Variants in LRMDA observed in about 807,000 individuals in gnomAD.
The protein encoded by LRMDA is leucine rich melanocyte differentiation associated.
In LRMDA, 18 loss-of-function variants were observed where a neutral mutation model predicts 29.8. That is an observed-to-expected ratio of 0.60 (90% CI 0.42 to 0.90). The LOEUF (loss-of-function observed/expected upper bound fraction) is 0.90. Among genes scored for constraint, LRMDA ranks in the 40% least tolerant of loss-of-function variants. The pLI is 0.00. For missense variants in LRMDA, 273 were observed against 273.9 expected (o/e 1.00, Z 0.02); for synonymous variants, 125 against 109.4 (o/e 1.14, Z -0.89).
Position 75,431,648 on chromosome 10 carries a change from G to C in LRMDA, c.-77G>C, listed in dbSNP as rs950236420. 4.2e-6 allele frequency: 5 copies of C among 1,185,034 alleles called. No homozygotes were observed. The highest frequency in any genetic ancestry group is 5.2e-6 in the Non-Finnish European group (5 of 954,484). The allele number at this position is 1,185,034 out of a possible 1,614,324, so 73.4% of individuals were successfully genotyped here. On this transcript the variant is annotated 5_prime_UTR_variant, in exon 1 of 7. Transcript: ENST00000611255. ...CAGTGCGGAACTGTGCGCCCGCCGC[G>C]CTCCCCTGCCGCGCTCCCCGCTGCT...
intron 6 of LRMDA, among the ~76,000 whole-genome samples, chr10:76,362,650 A>G (rs1272059425): frequency 6.6e-6 from 1 of 152,138 alleles, no homozygotes; most frequent in African/African-American, 2.4e-5. Context: ...TATCATCCAA[A>G]TATTGAACAT....
At chr10:75,464,259 G>C (rs1183111967) in intron 2 of LRMDA, among the ~76,000 whole-genome samples, 1 of 152,198 alleles carries the variant, frequency 6.6e-6, no homozygotes, top group African/African-American at 2.4e-5. Flanking sequence ...AGTCTTCTTC[G>C]AAGGGGTTGG....
intron 5 of LRMDA, among the ~76,000 whole-genome samples, chr10:76,104,741 T>G (rs531137621): frequency 2.0e-5 from 3 of 152,226 alleles, no homozygotes; most frequent in Admixed American, 2.0e-4. Flanking sequence ...AATTTTTGAA[T>G]AGATGAGTGG....
chr10:75,571,628 A>G (rs1564803788), intron 2 of LRMDA, among the ~76,000 whole-genome samples: 1 of 152,230 alleles, frequency 6.6e-6, no homozygotes, highest in Non-Finnish European at 1.5e-5. Flanking sequence ...CAGTGAGCAC[A>G]AGGGAAAATC....
At chr10:75,889,622 C>T (rs570467775) in intron 2 of LRMDA, among the ~76,000 whole-genome samples, 29 of 152,188 alleles carry the variant, frequency 1.9e-4, no homozygotes, top group Non-Finnish European at 2.6e-4. Flanking sequence ...TGCCAGCACA[C>T]GCCTAGAACT....
intron 2 of LRMDA, among the ~76,000 whole-genome samples, chr10:76,008,884 C>G (rs1416656406): frequency 6.6e-6 from 1 of 152,200 alleles, no homozygotes; most frequent in Admixed American, 6.5e-5. Context: ...TTCTTAGAAA[C>G]TTTTAAGTGG....
At chr10:75,706,629 G>A (rs1326733248) in intron 2 of LRMDA, among the ~76,000 whole-genome samples, 1 of 152,090 alleles carries the variant, frequency 6.6e-6, no homozygotes, top group East Asian at 1.9e-4. Context: ...AACAGAATGA[G>A]GATTGGCATC....
At chr10:75,556,740 G>T (rs1840218612) in intron 2 of LRMDA, among the ~76,000 whole-genome samples, 1 of 143,906 alleles carries the variant, frequency 6.9e-6, no homozygotes, top group African/African-American at 2.5e-5. Flanking sequence ...AGACCCATGT[G>T]GTTGCATGAT....
intron 2 of LRMDA, among the ~76,000 whole-genome samples, chr10:75,714,480 T>C (rs1018520034): frequency 6.6e-6 from 1 of 152,204 alleles, no homozygotes; most frequent in South Asian, 2.1e-4. Context: ...TTGAAAATTT[T>C]GACAAGTGGT....
At chr10:76,149,569 A>G (rs1197951283) in intron 5 of LRMDA, among the ~76,000 whole-genome samples, 1 of 152,156 alleles carries the variant, frequency 6.6e-6, no homozygotes, top group Admixed American at 6.5e-5. Context: ...GATATTTCCA[A>G]TACCTAAGTA....
intron 2 of LRMDA, among the ~76,000 whole-genome samples, chr10:75,614,620 G>A (rs909550532): frequency 6.6e-6 from 1 of 152,142 alleles, no homozygotes; most frequent in Non-Finnish European, 1.5e-5. Flanking sequence ...TCCTAGAAGG[G>A]ATGGTGGAGA....
At chr10:75,648,003 T>TGCTACCAAAG (rs1554817905) in intron 2 of LRMDA, among the ~76,000 whole-genome samples, 7,758 of 152,130 alleles carry the variant, frequency 0.051, 515 homozygotes, top group African/African-American at 0.16. Flanking sequence ...TGATACCAAA[T>TGCTACCAAAG]GCTACTTCTC....
At chr10:75,881,647 C>T (rs1845296700) in intron 2 of LRMDA, among the ~76,000 whole-genome samples, 1 of 152,180 alleles carries the variant, frequency 6.6e-6, no homozygotes, top group South Asian at 2.1e-4. Flanking sequence ...AGACTGATTG[C>T]AGGCCACCAC....
At chr10:76,304,489 G>A (rs1564717321) in intron 5 of LRMDA, among the ~76,000 whole-genome samples, 1 of 152,174 alleles carries the variant, frequency 6.6e-6, no homozygotes. Context: ...GAATTTTGGA[G>A]GGAGGAACTA....
intron 2 of LRMDA, among the ~76,000 whole-genome samples, chr10:75,692,216 AAAAATATAT>A (rs1276085448): frequency 0.018 from 997 of 55,182 alleles, 21 homozygotes; most frequent in African/African-American, 0.061. Context: ...GGGAAAAAAA[AAAAATATAT>A]ATATATATAT....
chr10:76,179,941 C>T (rs928657309), intron 5 of LRMDA, among the ~76,000 whole-genome samples: 9 of 152,280 alleles, frequency 5.9e-5, no homozygotes, highest in South Asian at 4.1e-4. Flanking sequence ...TAATGAAAAA[C>T]GCTGAAGGTA....
rs532067108 is a variant in LRMDA at position 75,723,973 on chromosome 10, G to A, written c.131+285479G>A. 3.3e-5 allele frequency among the ~76,000 whole-genome samples: 5 copies of A among 152,098 alleles called. No homozygotes were observed. The South Asian group carries it at 8.3e-4, about 25-fold the overall frequency. On this transcript the variant is annotated intron_variant, in intron 2 of 6. Coordinates refer to ENST00000611255, the MANE Select transcript of LRMDA (RefSeq NM_001305581.2). ...TGTATGTTTTTTAACCTTGAGTATCGGATTGTTTGTCCAAGCATATCCTTT... is the reference window on the plus strand; with the variant it reads ...TGTATGTTTTTTAACCTTGAGTATCAGATTGTTTGTCCAAGCATATCCTTT...
At chr10:75,842,124 T>C (rs1056776094) in intron 2 of LRMDA, among the ~76,000 whole-genome samples, 2 of 152,262 alleles carry the variant, frequency 1.3e-5, no homozygotes, top group Admixed American at 6.5e-5. Context: ...AACTATGGTC[T>C]GCTGCCTCTT....
At chr10:76,006,858 ACATTTTAG>A (rs1409761232) in intron 2 of LRMDA, among the ~76,000 whole-genome samples, 5 of 152,182 alleles carry the variant, frequency 3.3e-5, no homozygotes, top group African/African-American at 1.2e-4. Context: ...GATGAGCCCC[ACATTTTAG>A]AGATGCAATT....
Sources: allele counts gnomAD v4.1 joint callset (sites outside exome capture counted in the v4.1 genomes callset), GRCh38; gene constraint gnomAD v4.1.1; transcripts MANE v1.5; gene names NCBI Gene and HGNC (gene_info 2026-07-23, HGNC 2026-07-21).